Variants in PLCL1 observed in about 807,000 individuals in gnomAD.
PLCL1 encodes phospholipase C like 1 (inactive), also known as inactive phospholipase C-like protein 1.
Under a neutral mutation model 84.4 loss-of-function variants are expected in PLCL1, and 41 were observed. The observed-to-expected ratio is 0.49, with a 90% CI of 0.38 to 0.63. The LOEUF (loss-of-function observed/expected upper bound fraction) is 0.63, where lower values mean the gene tolerates loss of function less well. Ranked by LOEUF, PLCL1 falls within the 30% of genes least tolerant of loss-of-function variation. PLCL1 has a pLI of 0.00. For missense variants in PLCL1, 1,206 were observed against 1,367.8 expected, an observed-to-expected ratio of 0.88 and a Z score of 1.87; for synonymous variants, 490 against 488.3, an observed-to-expected ratio of 1.00 and a Z score of -0.05.
intron 1 of PLCL1, among the ~76,000 whole-genome samples, chr2:197,858,238 C>G (rs1205895963): frequency 1.3e-5 from 2 of 152,134 alleles, no homozygotes; most frequent in Admixed American, 1.3e-4. Context: ...TCCTGGCTCT[C>G]CAGCATGCTA....
At chr2:198,144,506 T>C (rs1032244168) in intron 5 of PLCL1, among the ~76,000 whole-genome samples, 2 of 152,202 alleles carry the variant, frequency 1.3e-5, no homozygotes, top group Admixed American at 6.5e-5. Flanking sequence ...TAGCAGATAA[T>C]GTTAACCACT....
chr2:197,979,614 C>T (rs1690062982), intron 1 of PLCL1, among the ~76,000 whole-genome samples: 1 of 152,196 alleles, frequency 6.6e-6, no homozygotes, highest in African/African-American at 2.4e-5. Context: ...AGAATTAAGT[C>T]CAAGTCCATT....
chr2:198,079,579 G>C (rs1025496743), intron 1 of PLCL1, among the ~76,000 whole-genome samples: 1 of 151,986 alleles, frequency 6.6e-6, no homozygotes, highest in Admixed American at 6.6e-5. Flanking sequence ...TAACAAAAAA[G>C]TATTTGTCTA....
chr2:198,028,691 C>T lies in PLCL1; in HGVS notation c.241-55067C>T, dbSNP rs546220337. On this transcript the variant is annotated intron_variant, in intron 1 of 5. Coordinates refer to ENST00000428675, the MANE Select transcript of PLCL1 (RefSeq NM_006226.4). Reference sequence around the variant, plus strand: ...CACATCACATTGACCTTCTCCTATTCGGGGAGAAGGGTATTTATTGCCTGC... The same window carrying T: ...CACATCACATTGACCTTCTCCTATTTGGGGAGAAGGGTATTTATTGCCTGC... Among the ~76,000 whole-genome samples, 16 of 152,186 alleles carry T rather than the reference C, an allele frequency of 1.1e-4. No homozygotes were observed. In the South Asian group the frequency reaches 2.9e-3, roughly 28 times the overall value.
intron 1 of PLCL1, among the ~76,000 whole-genome samples, chr2:197,839,012 T>G (rs1367029648): frequency 6.6e-6 from 1 of 152,236 alleles, no homozygotes; most frequent in Non-Finnish European, 1.5e-5. Context: ...AAGTATTGCC[T>G]TATATATCTG....
At chr2:197,916,518 A>G (rs1688603091) in intron 1 of PLCL1, among the ~76,000 whole-genome samples, 1 of 152,168 alleles carries the variant, frequency 6.6e-6, no homozygotes, top group African/African-American at 2.4e-5. Context: ...CATGCTGTAC[A>G]CTTATATATG....
At chr2:197,923,236 C>G (rs373244664) in intron 1 of PLCL1, among the ~76,000 whole-genome samples, 2 of 143,610 alleles carry the variant, frequency 1.4e-5, no homozygotes, top group Non-Finnish European at 3.1e-5. Flanking sequence ...CCGGATGGGG[C>G]GGCTGGCCGG....
rs145942357 is a variant in PLCL1 at position 197,924,739 on chromosome 2, G to C, written c.240+119400G>C. On this transcript the variant is annotated intron_variant, in intron 1 of 5. Transcript: ENST00000428675. Reference sequence around the variant, plus strand: ...TTGAATTTAGCATCCTTCTTATCTGGGGGGGTCATGAGTAGGAACGTATTC... The same window carrying C: ...TTGAATTTAGCATCCTTCTTATCTGCGGGGGTCATGAGTAGGAACGTATTC... Among the ~76,000 whole-genome samples the C allele has an allele frequency of 4.7e-3, 711 of 151,972 alleles. 3 individuals are homozygous for C. Among genetic ancestry groups the C allele is most frequent in the African/African-American group, 0.016 (667 of 41,426 alleles).
intron 1 of PLCL1, among the ~76,000 whole-genome samples, chr2:197,814,938 C>A: frequency 6.6e-6 from 1 of 152,238 alleles, no homozygotes; most frequent in Admixed American, 6.5e-5. Flanking sequence ...TGGAAGCTAG[C>A]AGAGGTTGGT....
At chr2:198,028,726 A>G (rs1429822169) in intron 1 of PLCL1, among the ~76,000 whole-genome samples, 1 of 152,090 alleles carries the variant, frequency 6.6e-6, no homozygotes, top group Non-Finnish European at 1.5e-5. Context: ...CTTTCTCACC[A>G]AGTTCTCTAG....
intron 1 of PLCL1, among the ~76,000 whole-genome samples, chr2:197,822,524 G>A (rs1447576923): frequency 1.3e-5 from 2 of 152,126 alleles, no homozygotes; most frequent in Non-Finnish European, 2.9e-5. Flanking sequence ...TTTATTGGGT[G>A]CTTACCATGT....
intron 1 of PLCL1, among the ~76,000 whole-genome samples, chr2:198,038,843 T>C (rs1238111034): frequency 1.8e-5 from 1 of 54,066 alleles, no homozygotes. Flanking sequence ...TCATTAAAGG[T>C]CAAAAAAAAA....
chr2:197,839,309 A>G (rs542009488), intron 1 of PLCL1, among the ~76,000 whole-genome samples: 37 of 152,272 alleles, frequency 2.4e-4, no homozygotes, highest in Non-Finnish European at 4.6e-4. Context: ...GCAGTCCCCA[A>G]CCTTTTCAGC....
chr2:197,899,892 C>T (rs1417142086), intron 1 of PLCL1, among the ~76,000 whole-genome samples: 1 of 152,102 alleles, frequency 6.6e-6, no homozygotes, highest in South Asian at 2.1e-4. Flanking sequence ...GCCTCGGCCT[C>T]CCAAAGTGCT....
intron 5 of PLCL1, among the ~76,000 whole-genome samples, chr2:198,118,991 G>T (rs570322023): frequency 1.3e-5 from 2 of 152,008 alleles, no homozygotes; most frequent in South Asian, 4.1e-4. Context: ...GTGTCTTCAT[G>T]TGAAACTATT....
At chr2:197,959,497 C>T (rs1466853003) in intron 1 of PLCL1, among the ~76,000 whole-genome samples, 1 of 151,998 alleles carries the variant, frequency 6.6e-6, no homozygotes, top group East Asian at 1.9e-4. Flanking sequence ...TTTGACTCAA[C>T]CCCTCTGAGT....
At chr2:198,013,012 A>G (rs192875462) in intron 1 of PLCL1, among the ~76,000 whole-genome samples, 2 of 152,218 alleles carry the variant, frequency 1.3e-5, no homozygotes, top group South Asian at 2.1e-4. Flanking sequence ...TGATGACACA[A>G]TTATCTGCCG....
intron 1 of PLCL1, among the ~76,000 whole-genome samples, chr2:197,859,996 A>C (rs946630739): frequency 4.6e-5 from 7 of 152,062 alleles, no homozygotes; most frequent in Admixed American, 2.6e-4. Flanking sequence ...AGTACCCATC[A>C]GTTGTTTTTC....
intron 3 of PLCL1, among the ~76,000 whole-genome samples, chr2:198,089,266 CA>C (rs1692961753): frequency 1.3e-5 from 2 of 152,084 alleles, no homozygotes; most frequent in Non-Finnish European, 2.9e-5. Context: ...CCTGGAGCTG[CA>C]CAGGTTATAA....
Sources: allele counts gnomAD v4.1 joint callset (sites outside exome capture counted in the v4.1 genomes callset), GRCh38; gene constraint gnomAD v4.1.1; transcripts MANE v1.5; gene names NCBI Gene and HGNC (gene_info 2026-07-23, HGNC 2026-07-21).